The following OR51B5 variants were observed in gnomAD, a reference collection of about 807,000 sequenced individuals.
The protein encoded by OR51B5 is olfactory receptor family 51 subfamily B member 5.
For missense variants in OR51B5, 456 were observed against 374.6 expected, an observed-to-expected ratio of 1.22 and a Z score of -1.79; for synonymous variants, 186 against 144.8, an observed-to-expected ratio of 1.28 and a Z score of -2.04.
At chr11:5,352,462 C>T (rs375141594) in intron 1 of OR51B5, 198 of 1,495,142 alleles carry the variant, frequency 1.3e-4, no homozygotes, top group Non-Finnish European at 1.7e-4. Flanking sequence ...TTTCACTGGT[C>T]TCTGAGGAAT....
intron 1 of OR51B5, among the ~76,000 whole-genome samples, chr11:5,487,583 G>A (rs1443875086): frequency 1.3e-5 from 2 of 152,104 alleles, no homozygotes; most frequent in East Asian, 3.9e-4. Flanking sequence ...AGATTTCCTG[G>A]CATTTCTACT....
intron 1 of OR51B5, among the ~76,000 whole-genome samples, chr11:5,387,631 T>G (rs1589968488): frequency 6.6e-6 from 1 of 152,132 alleles, no homozygotes; most frequent in African/African-American, 2.4e-5. Flanking sequence ...TTCCCCACCT[T>G]GCTTCCTCCA....
intron 1 of OR51B5, chr11:5,488,593 A>G (rs1406786728): frequency 5.8e-6 from 5 of 867,962 alleles, no homozygotes; most frequent in African/African-American, 5.1e-5. Context: ...TTTTAGTCTA[A>G]AAAAGATTAT....
At chr11:5,411,115 C>T (rs904724741) in intron 1 of OR51B5, among the ~76,000 whole-genome samples, 5 of 152,208 alleles carry the variant, frequency 3.3e-5, no homozygotes, top group African/African-American at 9.7e-5. Context: ...TAGGACTTTT[C>T]ATCCACTCAC....
At chr11:5,397,643 T>C (rs1285599804) in intron 1 of OR51B5, among the ~76,000 whole-genome samples, 31 of 151,492 alleles carry the variant, frequency 2.0e-4, no homozygotes, top group Middle Eastern at 3.4e-3. Context: ...GTCAGTGTGG[T>C]GATTCCTCAG....
At chr11:5,422,556 C>G in intron 1 of OR51B5, 1 of 1,614,160 alleles carries the variant, frequency 6.2e-7, no homozygotes, top group Non-Finnish European at 8.5e-7. Flanking sequence ...GTCCTCCTGG[C>G]TATGTCCGTT....
intron 1 of OR51B5, chr11:5,352,537 A>G (rs1849114955): frequency 5.3e-6 from 4 of 752,906 alleles, no homozygotes; most frequent in East Asian, 2.5e-5. Flanking sequence ...AGTCATTTCA[A>G]TGAGAACTAA....
chr11:5,349,521 G>A (rs1251566270), intron 1 of OR51B5, among the ~76,000 whole-genome samples: 1 of 151,406 alleles, frequency 6.6e-6, no homozygotes, highest in Non-Finnish European at 1.5e-5. Context: ...TTTAAAATTT[G>A]CTAAGAAAGC....
chr11:5,441,507 C>A lies in OR51B5; in HGVS notation n.84+64062G>T, dbSNP rs141696927. ...TGGCTGGAAGGGGGTGCCATTGAGACCCAGCATGGTGGGAGAATATAGATA... is the reference window on the plus strand; with the variant it reads ...TGGCTGGAAGGGGGTGCCATTGAGAACCAGCATGGTGGGAGAATATAGATA... On this transcript the variant is annotated intron_variant and non_coding_transcript_variant, in intron 1 of 4. Transcript: ENST00000415970. 15 of 1,610,216 alleles carry A rather than the reference C, an allele frequency of 9.3e-6. No homozygotes were observed. The African/African-American group carries it at 2.0e-4, about 22-fold the overall frequency.
chr11:5,500,307 T>C (rs1251525145), intron 1 of OR51B5, among the ~76,000 whole-genome samples: 1 of 152,218 alleles, frequency 6.6e-6, no homozygotes, highest in African/African-American at 2.4e-5. Context: ...ATCTGAAGTA[T>C]ATAAGTAAAA....
chr11:5,370,443 A>T (rs2133706232), intron 1 of OR51B5, among the ~76,000 whole-genome samples: 1 of 152,318 alleles, frequency 6.6e-6, no homozygotes, highest in Middle Eastern at 3.4e-3. Context: ...TCAGAGGATC[A>T]TTTGTTGGTA....
intron 1 of OR51B5, among the ~76,000 whole-genome samples, chr11:5,370,563 T>C (rs910762873): frequency 1.5e-4 from 23 of 152,192 alleles, no homozygotes; most frequent in African/African-American, 5.1e-4. Context: ...TCTCACTCTT[T>C]CTGTGTTTAG....
intron 1 of OR51B5, among the ~76,000 whole-genome samples, chr11:5,386,248 T>A (rs1019558464): frequency 1.3e-5 from 2 of 151,978 alleles, no homozygotes; most frequent in South Asian, 4.2e-4. Context: ...ATGGGTGTGT[T>A]GACTGGGAAA....
intron 1 of OR51B5, among the ~76,000 whole-genome samples, chr11:5,356,511 G>A (rs556603706): frequency 6.8e-6 from 1 of 146,692 alleles, no homozygotes; most frequent in East Asian, 1.9e-4. Flanking sequence ...TGGTGTACCT[G>A]AAAGTGACGG....
intron 1 of OR51B5, among the ~76,000 whole-genome samples, chr11:5,379,693 T>TTTTC (rs112578645): frequency 0.58 from 88,193 of 151,474 alleles, 25,753 homozygotes; most frequent in South Asian, 0.7. Context: ...AATTAATAGA[T>TTTTC]TTTATGTCCA....
intron 1 of OR51B5, among the ~76,000 whole-genome samples, chr11:5,401,393 T>C (rs1422465770): frequency 6.6e-6 from 1 of 152,228 alleles, no homozygotes; most frequent in African/African-American, 2.4e-5. Context: ...TCCTGAATCT[T>C]CCATGCCTTT....
At chr11:5,364,736 A>G (rs1849340532) in intron 1 of OR51B5, among the ~76,000 whole-genome samples, 2 of 152,144 alleles carry the variant, frequency 1.3e-5, no homozygotes, top group African/African-American at 4.8e-5. Flanking sequence ...GACTCTTCAA[A>G]GTGAATGATC....
rs549555730 is a variant in OR51B5 at position 5,444,102 on chromosome 11, C to G, written n.84+61467G>C. 1.8e-3 allele frequency among the ~76,000 whole-genome samples: 275 copies of G among 152,262 alleles called. 1 individual carries two copies. Among genetic ancestry groups the G allele is most frequent in the Non-Finnish European group, 3.2e-3 (221 of 68,002 alleles). On this transcript the variant is annotated intron_variant and non_coding_transcript_variant, in intron 1 of 4. Coordinates refer to the OR51B5 transcript ENST00000415970. The stretch of plus-strand genomic sequence containing the variant: ...AAGCTCTCCTGAATAAATGTTTATA[C>G]ACACACAGTGTCACAAATGCATCAG...
intron 1 of OR51B5, among the ~76,000 whole-genome samples, chr11:5,483,580 G>A (rs1264556881): frequency 6.7e-6 from 1 of 149,082 alleles, no homozygotes; most frequent in African/African-American, 2.5e-5. Context: ...AGAAAAGGAA[G>A]ACAAGGAAAG....
Sources: allele counts gnomAD v4.1 joint callset (sites outside exome capture counted in the v4.1 genomes callset), GRCh38; gene constraint gnomAD v4.1.1; transcripts MANE v1.5; gene names NCBI Gene and HGNC (gene_info 2026-07-23, HGNC 2026-07-21).